The following PARD3B variants were observed in gnomAD, a reference collection of about 807,000 sequenced individuals.
PARD3B encodes par-3 family cell polarity regulator beta, also known as partitioning defective 3 homolog B.
PARD3B carries 103 observed loss-of-function variants against 130.2 expected under a neutral mutation model. The ratio of observed to expected loss-of-function variants is 0.79; its 90% confidence interval spans 0.67 to 0.93. The LOEUF (loss-of-function observed/expected upper bound fraction) is 0.93. PARD3B is among the 40% of genes least tolerant of loss of function. PARD3B has a pLI of 0.00. For synonymous variants in PARD3B, 583 were observed against 553.2 expected (o/e 1.05, Z -0.76); for missense variants, 1,609 against 1,499.2 (o/e 1.07, Z -1.21).
At chr2:205,603,286 A>AACT (rs2105764744) in intron 22 of PARD3B, among the ~76,000 whole-genome samples, 2 of 152,224 alleles carry the variant, frequency 1.3e-5, no homozygotes, top group Admixed American at 1.3e-4. Flanking sequence ...GATCAATTTT[A>AACT]GAGTAAGTGC....
chr2:204,785,105 T>C (rs1052507888), intron 2 of PARD3B, among the ~76,000 whole-genome samples: 3 of 152,132 alleles, frequency 2.0e-5, no homozygotes, highest in African/African-American at 7.2e-5. Context: ...ACTGAAAGAA[T>C]ATATACCCAA....
intron 1 of PARD3B, among the ~76,000 whole-genome samples, chr2:204,570,818 T>C (rs571627804): frequency 4.7e-4 from 71 of 149,942 alleles, no homozygotes; most frequent in Non-Finnish European, 8.1e-4. Flanking sequence ...TAAGCTGTTG[T>C]AACTGAGGTG....
At chr2:205,113,393 G>GTGT (rs1559450786) in intron 5 of PARD3B, 98 bp from the exon 6 acceptor site, 101 of 571,652 alleles carry the variant, frequency 1.8e-4, no homozygotes, top group Middle Eastern at 7.0e-4. Flanking sequence ...CCTGAGCAGG[G>GTGT]GTGTGTGTGT....
chr2:205,615,632 C>T lies in PARD3B; in HGVS notation c.3437C>T (p.Pro1146Leu), dbSNP rs374267427. 1.6e-5 allele frequency: 26 copies of T among 1,613,984 alleles called. No individual in the cohort carries two copies. The highest frequency in any genetic ancestry group is 1.6e-4 in the Middle Eastern group (1 of 6,084). Residue 1146 changes from proline (P) to leucine (L), a missense_variant, in exon 23 of 23, where the codon CCG becomes CTG. Transcript: ENST00000406610. ...DLRYPQHYPPPPAPQHKGPFR... is the reference protein window; with the variant it reads ...DLRYPQHYPPLPAPQHKGPFR... Reference sequence around the variant, plus strand: ...CGGTATCCTCAGCACTACCCACCCCCGCCAGCTCCCCAGCACAAAGGACCC... The same window carrying T: ...CGGTATCCTCAGCACTACCCACCCCTGCCAGCTCCCCAGCACAAAGGACCC...
intron 1 of PARD3B, among the ~76,000 whole-genome samples, chr2:204,647,546 T>A (rs1049718439): frequency 2.6e-5 from 4 of 151,804 alleles, no homozygotes; most frequent in Non-Finnish European, 4.4e-5. Context: ...GTAATAAGAC[T>A]GGAAGAAAAA....
chr2:204,981,711 T>G (rs1210219370), intron 3 of PARD3B, among the ~76,000 whole-genome samples: 1 of 152,184 alleles, frequency 6.6e-6, no homozygotes, highest in East Asian at 1.9e-4. Flanking sequence ...ATAAATGAGA[T>G]TTTTATATAG....
intron 16 of PARD3B, among the ~76,000 whole-genome samples, chr2:205,264,153 A>G (rs1406980440): frequency 6.6e-6 from 1 of 150,946 alleles, no homozygotes; most frequent in African/African-American, 2.4e-5. Context: ...ATGAGAATGA[A>G]AGTATGAGTC....
chr2:205,543,463 C>T (rs555630142), intron 21 of PARD3B, among the ~76,000 whole-genome samples: 39 of 152,258 alleles, frequency 2.6e-4, no homozygotes, highest in African/African-American at 8.4e-4. Context: ...CACGTCCCAT[C>T]GCATCACCAC....
At chr2:205,598,004 A>T (rs1350785667) in intron 22 of PARD3B, among the ~76,000 whole-genome samples, 1 of 151,976 alleles carries the variant, frequency 6.6e-6, no homozygotes, top group Non-Finnish European at 1.5e-5. Context: ...TGCCACCACA[A>T]AAACACACTT....
At chr2:204,949,023 A>G (rs983442233) in intron 2 of PARD3B, among the ~76,000 whole-genome samples, 30 of 152,208 alleles carry the variant, frequency 2.0e-4, no homozygotes, top group African/African-American at 7.0e-4. Context: ...TGAAACTTGC[A>G]TGAAAGGATA....
In PARD3B at chr2:205,301,298, C is replaced by T. The variant is rs2041987534; in HGVS notation, c.2393-166C>T. Among the ~76,000 whole-genome samples, 1 of 152,182 alleles carries T rather than the reference C, an allele frequency of 6.6e-6. No homozygotes were observed. ...CAGCATCAAGTCTTGCTCGAAGTAA[C>T]CAGATTTAGGCAGTCAGATCTTCAA... is the stretch of plus-strand genomic sequence containing the variant. On this transcript the variant is annotated intron_variant, in intron 17 of 22. Coordinates refer to ENST00000406610, the MANE Select transcript of PARD3B (RefSeq NM_001302769.2). The surrounding 1 kb of genome is among the most constrained non-coding windows in gnomAD (Gnocchi z 5.2).
intron 19 of PARD3B, among the ~76,000 whole-genome samples, chr2:205,425,502 G>T (rs2047114348): frequency 6.6e-6 from 1 of 151,118 alleles, no homozygotes; most frequent in African/African-American, 2.4e-5. Flanking sequence ...CAACTCGTAG[G>T]TAGGAATTGC....
intron 20 of PARD3B, among the ~76,000 whole-genome samples, chr2:205,474,433 A>G (rs932244254): frequency 6.6e-6 from 1 of 152,184 alleles, no homozygotes; most frequent in Non-Finnish European, 1.5e-5. Context: ...ACATGCATAT[A>G]CACATTTGAG....
At chr2:205,042,570 A>C (rs1184160289) in intron 3 of PARD3B, among the ~76,000 whole-genome samples, 2 of 151,992 alleles carry the variant, frequency 1.3e-5, no homozygotes, top group Admixed American at 6.6e-5. Context: ...TCCTGCATCT[A>C]GTAGCTTTCT....
chr2:204,643,266 C>T (rs1029700300), intron 1 of PARD3B, among the ~76,000 whole-genome samples: 2 of 151,788 alleles, frequency 1.3e-5, no homozygotes, highest in African/African-American at 2.4e-5. Context: ...CTGTACAGTC[C>T]GTGGATCTGT....
chr2:204,795,048 T>C (rs1451755215), intron 2 of PARD3B, among the ~76,000 whole-genome samples: 1 of 152,224 alleles, frequency 6.6e-6, no homozygotes, highest in Non-Finnish European at 1.5e-5. Flanking sequence ...AGAAAGTAGA[T>C]AGAAATATTC....
chr2:205,012,246 A>C (rs2125311189), intron 3 of PARD3B, among the ~76,000 whole-genome samples: 1 of 152,088 alleles, frequency 6.6e-6, no homozygotes. Context: ...CGTATTTGTG[A>C]GTTTTACCTA....
chr2:205,526,913 A>G (rs916629487), intron 21 of PARD3B, among the ~76,000 whole-genome samples: 1 of 152,190 alleles, frequency 6.6e-6, no homozygotes, highest in Non-Finnish European at 1.5e-5. Flanking sequence ...ATCATTTAAA[A>G]TGATTTTTGT....
intron 2 of PARD3B, among the ~76,000 whole-genome samples, chr2:204,779,231 A>C (rs778292159): frequency 6.6e-6 from 1 of 151,928 alleles, no homozygotes; most frequent in African/African-American, 2.4e-5. Context: ...TACCTTCTCT[A>C]TATAATTATT....
Sources: gnomAD v4.1 joint callset for allele counts (sites outside exome capture counted in the v4.1 genomes callset) on GRCh38, gnomAD v4.1.1 for gene constraint, Gnocchi (gnomAD v3.1) non-coding constraint, MANE v1.5 for transcripts, NCBI Gene and HGNC (gene_info 2026-07-23, HGNC 2026-07-21) for gene names.